NTRK2: variants seen among roughly 807,000 people sequenced by gnomAD.
NTRK2 encodes the protein BDNF/NT-3 growth factors receptor.
A neutral mutation model predicts 94.5 loss-of-function variants in NTRK2; 13 were observed. The ratio of observed to expected loss-of-function variants is 0.14; its 90% CI spans 0.09 to 0.22. The LOEUF is 0.22. Ranked by LOEUF, NTRK2 falls within the 10% of genes least tolerant of loss-of-function variation. The pLI is 1.00. For missense variants in NTRK2, 639 were observed against 1,071.2 expected (o/e 0.60, Z 5.63); for synonymous variants, 372 against 407.4 (o/e 0.91, Z 1.05).
At chr9:84,999,380 T>C (rs1335352660) in intron 17 of NTRK2, among the ~76,000 whole-genome samples, 1 of 152,140 alleles carries the variant, frequency 6.6e-6, no homozygotes, top group Non-Finnish European at 1.5e-5. Context: ...GTGATGAAAA[T>C]TGTATTCTAA....
intron 12 of NTRK2, chr9:84,811,494 T>C: frequency 9.4e-7 from 1 of 1,065,542 alleles, no homozygotes; most frequent in Non-Finnish European, 1.1e-6. Flanking sequence ...TTTTTAGAAG[T>C]CTGCCGAGTG....
chr9:84,912,303 T>C (rs952180965), intron 14 of NTRK2, among the ~76,000 whole-genome samples: 1 of 152,128 alleles, frequency 6.6e-6, no homozygotes. Context: ...TTCTTGCTGA[T>C]TTTTTCTGTC....
chr9:84,745,286 G>C (rs898561195), intron 11 of NTRK2, among the ~76,000 whole-genome samples: 3 of 152,110 alleles, frequency 2.0e-5, no homozygotes, highest in Admixed American at 2.0e-4. Context: ...CACCACTTTT[G>C]GTTGTTAGTG....
chr9:85,014,689 T>C (rs1385498635), intron 17 of NTRK2, among the ~76,000 whole-genome samples: 2 of 152,250 alleles, frequency 1.3e-5, no homozygotes, highest in African/African-American at 4.8e-5. Flanking sequence ...GATTTAAATA[T>C]AAAATCATTG....
chr9:84,950,522 C>T (rs568484335), intron 16 of NTRK2, among the ~76,000 whole-genome samples: 2 of 152,290 alleles, frequency 1.3e-5, no homozygotes, highest in Admixed American at 1.3e-4. Context: ...CACCCCAGTT[C>T]GCTCAATCAC....
At chr9:84,715,535 C>T (rs2061662995) in intron 6 of NTRK2, among the ~76,000 whole-genome samples, 1 of 152,098 alleles carries the variant, frequency 6.6e-6, no homozygotes, top group Non-Finnish European at 1.5e-5. Flanking sequence ...CTTCAAACGG[C>T]CCTTCTAAAC....
At chr9:84,829,056 T>A (rs549042323) in intron 12 of NTRK2, among the ~76,000 whole-genome samples, 1 of 152,248 alleles carries the variant, frequency 6.6e-6, no homozygotes, top group African/African-American at 2.4e-5. Flanking sequence ...TGGAGTGCAG[T>A]GGCACGATCT....
chr9:84,961,900 C>T (rs1422083692), intron 17 of NTRK2, among the ~76,000 whole-genome samples: 2 of 152,150 alleles, frequency 1.3e-5, no homozygotes, highest in Non-Finnish European at 2.9e-5. Context: ...TGCAAGGAGG[C>T]CCTAGGCCAG....
chr9:84,903,524 G>A (rs2076991754), intron 14 of NTRK2, among the ~76,000 whole-genome samples: 1 of 152,090 alleles, frequency 6.6e-6, no homozygotes, highest in Non-Finnish European at 1.5e-5. Context: ...CTTAAATTGG[G>A]CAAAGTCTTA....
intron 2 of NTRK2, among the ~76,000 whole-genome samples, chr9:84,686,484 G>A (rs1478831029): frequency 1.3e-5 from 2 of 152,166 alleles, no homozygotes; most frequent in African/African-American, 4.8e-5. Flanking sequence ...ATATCCTTGT[G>A]GATCAATTGC....
intron 17 of NTRK2, among the ~76,000 whole-genome samples, chr9:85,008,605 T>G (rs1287849290): frequency 1.3e-5 from 2 of 152,170 alleles, no homozygotes; most frequent in Non-Finnish European, 2.9e-5. Flanking sequence ...ATAAGTATCA[T>G]TGTCCCAGAT....
intron 2 of NTRK2, among the ~76,000 whole-genome samples, chr9:84,680,664 T>C (rs937488101): frequency 2.2e-4 from 33 of 152,186 alleles, no homozygotes; most frequent in African/African-American, 8.0e-4. Flanking sequence ...TTAGTGTGAT[T>C]CCCTCCCTCT....
intron 12 of NTRK2, among the ~76,000 whole-genome samples, chr9:84,847,516 A>G (rs2074529468): frequency 2.0e-5 from 3 of 152,162 alleles, no homozygotes; most frequent in East Asian, 3.9e-4. Context: ...GAAGACAAAC[A>G]TTTGTCTTAT....
At chr9:85,021,148 C>A in intron 18 of NTRK2, 104 bp from the exon 19 acceptor site, 1 of 956,518 alleles carries the variant, frequency 1.0e-6, no homozygotes, top group Non-Finnish European at 1.6e-6. Flanking sequence ...CAAGAGTGGG[C>A]TTCTTTTGTA....
chr9:85,026,555 A>G lies in NTRK2; in HGVS notation c.*5118A>G, dbSNP rs1288907829. On this transcript the variant is annotated 3_prime_UTR_variant, in exon 19 of 19. Coordinates refer to ENST00000277120, the MANE Select transcript of NTRK2 (RefSeq NM_006180.6). ...GGTCTTTGAATTAAATGTGGATTTT[A>G]AATATGTAATCCCTTGACAAATGAC... is the stretch of plus-strand genomic sequence containing the variant. 5.2e-5 allele frequency: 12 copies of G among 232,744 alleles called. No individual in the cohort carries two copies. The East Asian group carries it at 6.7e-4, about 13-fold the overall frequency. The allele number at this position is 232,744 out of a possible 1,614,324, so 14.4% of individuals were successfully genotyped here.
At chr9:84,883,029 A>G (rs2076309779) in intron 14 of NTRK2, among the ~76,000 whole-genome samples, 1 of 152,168 alleles carries the variant, frequency 6.6e-6, no homozygotes, top group African/African-American at 2.4e-5. Flanking sequence ...AGCCTCTCAA[A>G]GTGCTGGGAT....
At chr9:84,939,018 C>A (rs1330308516) in intron 15 of NTRK2, among the ~76,000 whole-genome samples, 1 of 136,218 alleles carries the variant, frequency 7.3e-6, no homozygotes. Context: ...CACCACTGCA[C>A]TCCACTCTGG....
intron 17 of NTRK2, among the ~76,000 whole-genome samples, chr9:84,975,883 G>A (rs1483937501): frequency 1.3e-5 from 2 of 151,342 alleles, no homozygotes; most frequent in African/African-American, 4.9e-5. Context: ...GTGTAGATAC[G>A]TTTTAGGGAA....
rs182960908 is a variant in NTRK2, at chr9:85,022,263, A to T, written c.*826A>T. On this transcript the variant is annotated 3_prime_UTR_variant, in exon 19 of 19. Coordinates refer to ENST00000277120, the MANE Select transcript of NTRK2 (RefSeq NM_006180.6). ...TAAAAAGACTACTGGCCTCTGTGCC[A>T]TGGATGATTCTTTTCCCATCACCAG... 1.3e-5 allele frequency: 3 copies of T among 233,218 alleles called. No homozygotes were observed. The highest frequency in any genetic ancestry group is 6.6e-5 in the African/African-American group (3 of 45,476). 14.4% of individuals were successfully genotyped at this position (233,218 alleles called of 1,614,324 possible).
Sources: allele counts gnomAD v4.1 joint callset (sites outside exome capture counted in the v4.1 genomes callset), GRCh38; gene constraint gnomAD v4.1.1; transcripts MANE v1.5; gene names NCBI Gene and HGNC (gene_info 2026-07-23, HGNC 2026-07-21).